Variants in MACROD2 observed in about 807,000 individuals in gnomAD.
MACROD2 encodes mono-ADP ribosylhydrolase 2, also known as ADP-ribose glycohydrolase MACROD2.
In MACROD2, 36 loss-of-function variants were observed where a neutral mutation model predicts 70.4. That is an observed-to-expected ratio of 0.51 (90% CI 0.39 to 0.68). The LOEUF (loss-of-function observed/expected upper bound fraction) is 0.68. Ranked by LOEUF, MACROD2 falls within the 30% of genes least tolerant of loss-of-function variation. The probability of loss-of-function intolerance (pLI) is 0.00; values close to 1 mark genes in which losing one functional copy is unlikely to be tolerated. For missense variants in MACROD2, 496 were observed against 538.4 expected (o/e 0.92, Z 0.78); for synonymous variants, 172 against 178.8 (o/e 0.96, Z 0.30).
chr20:14,344,138 G>T (rs2083041657), intron 3 of MACROD2, among the ~76,000 whole-genome samples: 1 of 152,092 alleles, frequency 6.6e-6, no homozygotes, highest in African/African-American at 2.4e-5. Context: ...ACATGTTTAA[G>T]GTAGAGTCAA....
chr20:14,751,628 C>G (rs544501732), intron 5 of MACROD2, among the ~76,000 whole-genome samples: 19 of 152,222 alleles, frequency 1.2e-4, no homozygotes, highest in African/African-American at 4.1e-4. Context: ...CCCTTGGGCT[C>G]TGCCCTGCTG....
chr20:14,029,560 T>G (rs1486934923), intron 2 of MACROD2, among the ~76,000 whole-genome samples: 2 of 152,142 alleles, frequency 1.3e-5, no homozygotes, highest in Non-Finnish European at 2.9e-5. Flanking sequence ...CGTGTCAAAG[T>G]TGTGGGAATC....
Position 15,110,771 on chromosome 20 carries a change from G to T in MACROD2, c.419-119169G>T, listed in dbSNP as rs537305315. On this transcript the variant is annotated intron_variant, in intron 5 of 17. Transcript: ENST00000684519. Reference sequence around the variant, plus strand: ...GAGAGGCCTCCATCAACCCTCCTGTGCACTTTCCAGCAGCTTGTAGTTGGG... The same window carrying T: ...GAGAGGCCTCCATCAACCCTCCTGTTCACTTTCCAGCAGCTTGTAGTTGGG... 7.2e-4 allele frequency among the ~76,000 whole-genome samples: 109 copies of T among 152,270 alleles called. 1 individual carries two copies. The Middle Eastern group carries it at 0.017, about 24-fold the overall frequency.
intron 5 of MACROD2, among the ~76,000 whole-genome samples, chr20:14,750,067 T>C (rs773466674): frequency 8.5e-5 from 13 of 152,284 alleles, no homozygotes; most frequent in Non-Finnish European, 1.3e-4. Flanking sequence ...AAATTTTATG[T>C]TGTGTGTTTT....
intron 5 of MACROD2, among the ~76,000 whole-genome samples, chr20:14,842,861 T>G (rs535940934): frequency 1.3e-5 from 2 of 152,232 alleles, no homozygotes; most frequent in African/African-American, 4.8e-5. Context: ...GAAAATGAAC[T>G]CTAGGAGTCA....
chr20:14,331,039 C>T (rs2082826988), intron 3 of MACROD2, among the ~76,000 whole-genome samples: 1 of 151,988 alleles, frequency 6.6e-6, no homozygotes. Flanking sequence ...TGAGAACCTG[C>T]TTAAAATGTT....
At chr20:14,608,187 C>T (rs995948304) in intron 4 of MACROD2, among the ~76,000 whole-genome samples, 2 of 151,962 alleles carry the variant, frequency 1.3e-5, no homozygotes, top group Non-Finnish European at 2.9e-5. Context: ...ACCTGGAGCA[C>T]GGAGGTTGTA....
At chr20:14,842,265 C>T (rs1335291182) in intron 5 of MACROD2, among the ~76,000 whole-genome samples, 1 of 152,052 alleles carries the variant, frequency 6.6e-6, no homozygotes, top group Non-Finnish European at 1.5e-5. Context: ...GAGGGTGCTG[C>T]CCCCTGACCT....
intron 8 of MACROD2, among the ~76,000 whole-genome samples, chr20:15,651,287 G>C (rs2049639310): frequency 6.6e-6 from 1 of 152,162 alleles, no homozygotes; most frequent in Non-Finnish European, 1.5e-5. Flanking sequence ...GATTTCTGTG[G>C]AGTTTGTTCT....
At chr20:15,982,351 T>C (rs2066413801) in intron 13 of MACROD2, among the ~76,000 whole-genome samples, 2 of 152,296 alleles carry the variant, frequency 1.3e-5, no homozygotes, top group African/African-American at 4.8e-5. Flanking sequence ...ATTTGATGTA[T>C]ATACTGGGAA....
chr20:14,474,110 A>AT (rs1230755547), intron 3 of MACROD2, among the ~76,000 whole-genome samples: 1 of 150,714 alleles, frequency 6.6e-6, no homozygotes, highest in East Asian at 1.9e-4. Context: ...TTTTTTTCCC[A>AT]TTTTGCCAGT....
At chr20:15,564,636 A>G (rs2048287967) in intron 8 of MACROD2, among the ~76,000 whole-genome samples, 1 of 152,208 alleles carries the variant, frequency 6.6e-6, no homozygotes, top group Non-Finnish European at 1.5e-5. Flanking sequence ...TGAGGTGAAA[A>G]TAAAATGGTT....
intron 3 of MACROD2, among the ~76,000 whole-genome samples, chr20:14,168,144 T>G (rs774444740): frequency 1.3e-5 from 2 of 152,170 alleles, no homozygotes; most frequent in Non-Finnish European, 2.9e-5. Flanking sequence ...GTAAACATTT[T>G]CAAAAAGGAG....
chr20:15,873,336 C>T (rs2064613320), intron 9 of MACROD2, among the ~76,000 whole-genome samples: 5 of 151,958 alleles, frequency 3.3e-5, no homozygotes, highest in Admixed American at 3.3e-4. Flanking sequence ...TTTTTTCCTA[C>T]CTTTCTCAGT....
intron 5 of MACROD2, among the ~76,000 whole-genome samples, chr20:15,150,907 T>C (rs975782121): frequency 6.6e-6 from 1 of 152,098 alleles, no homozygotes; most frequent in African/African-American, 2.4e-5. Context: ...GAAGCCTGGC[T>C]GTCAATACCC....
intron 3 of MACROD2, among the ~76,000 whole-genome samples, chr20:14,331,119 C>T (rs376293654): frequency 6.6e-6 from 1 of 151,920 alleles, no homozygotes; most frequent in Non-Finnish European, 1.5e-5. Flanking sequence ...ATGATGAATC[C>T]GCTGATTGGG....
intron 6 of MACROD2, among the ~76,000 whole-genome samples, chr20:15,356,621 T>G (rs923646291): frequency 6.6e-6 from 1 of 152,104 alleles, no homozygotes; most frequent in African/African-American, 2.4e-5. Flanking sequence ...CTGTCTCTAC[T>G]GAAAGTACAA....
At chr20:14,479,579 A>G (rs369192817) in intron 3 of MACROD2, among the ~76,000 whole-genome samples, 11 of 151,782 alleles carry the variant, frequency 7.2e-5, no homozygotes, top group African/African-American at 2.7e-4. Flanking sequence ...TAATCAGTTC[A>G]CCCTCCTTTT....
chr20:15,331,855 A>C (rs768241812), intron 6 of MACROD2, among the ~76,000 whole-genome samples: 2 of 151,574 alleles, frequency 1.3e-5, no homozygotes, highest in Non-Finnish European at 2.9e-5. Context: ...TAATTTTCAG[A>C]TGGCAAAACA....
Sources: allele counts gnomAD v4.1 joint callset (sites outside exome capture counted in the v4.1 genomes callset), GRCh38; gene constraint gnomAD v4.1.1; transcripts MANE v1.5; gene names NCBI Gene and HGNC (gene_info 2026-07-23, HGNC 2026-07-21).